The following PLCH1 variants were observed in gnomAD, a reference collection of about 807,000 sequenced individuals.
PLCH1 encodes the protein phospholipase C eta 1.
In PLCH1, 60 loss-of-function variants were observed where a neutral mutation model predicts 126.7. The ratio of observed to expected loss-of-function variants is 0.47; its 90% confidence interval spans 0.38 to 0.59. The LOEUF is 0.59. Among genes scored for constraint, PLCH1 ranks in the 20% least tolerant of loss-of-function variants. The probability of loss-of-function intolerance (pLI) is 0.00; values close to 1 mark genes in which losing one functional copy is unlikely to be tolerated. For missense variants in PLCH1, 1,723 were observed against 2,040.0 expected (o/e 0.84, Z 2.99); for synonymous variants, 719 against 734.9 (o/e 0.98, Z 0.35).
chr3:155,481,692 TTTGCA>T lies in PLCH1; in HGVS notation c.4329_4333del (p.Asp1443GlufsTer12). ...CTGGGGCACACAGGTCTGGAACATT[TTTGCA>T]TCTGAATCTGAGAAATGATTATGCA... is the stretch of plus-strand genomic sequence containing the variant. On this transcript the variant is annotated frameshift_variant, in exon 23 of 23. Coordinates refer to ENST00000460012, the MANE Select transcript of PLCH1 (RefSeq NM_014996.4). LOFTEE classifies it low-confidence loss of function (END_TRUNC). This position sits in a 1 kb window ranked among gnomAD's most constrained non-coding sequence, Gnocchi z 4.2. 6.2e-7 allele frequency: 1 copy of T among 1,614,176 alleles called. No individual in the cohort carries two copies. The highest frequency in any genetic ancestry group is 8.5e-7 in the Non-Finnish European group (1 of 1,180,038).
intron 12 of PLCH1, among the ~76,000 whole-genome samples, chr3:155,512,017 A>G (rs995030447): frequency 6.6e-6 from 1 of 151,254 alleles, no homozygotes; most frequent in African/African-American, 2.4e-5. Flanking sequence ...CCGTGGGCGT[A>G]GGACCCTCTG....
At chr3:155,585,302 T>G (rs777014166) in intron 5 of PLCH1, among the ~76,000 whole-genome samples, 1 of 152,162 alleles carries the variant, frequency 6.6e-6, no homozygotes, top group Non-Finnish European at 1.5e-5. Context: ...TGCCCTCCTA[T>G]GCTTATTTTT....
chr3:155,633,881 T>C (rs993116584), intron 2 of PLCH1, among the ~76,000 whole-genome samples: 1 of 151,734 alleles, frequency 6.6e-6, no homozygotes, highest in Non-Finnish European at 1.5e-5. Context: ...ACCACTGCAC[T>C]CCTCCCTCAG....
intron 8 of PLCH1, among the ~76,000 whole-genome samples, chr3:155,555,845 T>C (rs1036346767): frequency 5.3e-5 from 8 of 152,040 alleles, no homozygotes; most frequent in Non-Finnish European, 1.0e-4. Flanking sequence ...TGGCAAGAGG[T>C]CATCATCTCA....
Position 155,461,410 on chromosome 3 carries a change from C to T in PLCH1, c.2938+23946G>A, listed in dbSNP as rs374800208. 4.6e-5 allele frequency among the ~76,000 whole-genome samples: 7 copies of T among 152,184 alleles called. No homozygotes were observed. The East Asian group carries it at 1.2e-3, about 25-fold the overall frequency. On this transcript the variant is annotated intron_variant, in intron 21 of 21. Transcript: ENST00000494598. ...TGTAACTGCAGTTGGAGCTACCCATCATGAGCATGGTCTTAATAGAAACGC... is the reference window on the plus strand; with the variant it reads ...TGTAACTGCAGTTGGAGCTACCCATTATGAGCATGGTCTTAATAGAAACGC...
chr3:155,502,248 T>C (rs1302947598), intron 13 of PLCH1, among the ~76,000 whole-genome samples: 16 of 152,104 alleles, frequency 1.1e-4, no homozygotes, highest in Admixed American at 4.6e-4. Flanking sequence ...TTAGAAAGAG[T>C]GTGGCAAGAA....
intron 1 of PLCH1, among the ~76,000 whole-genome samples, chr3:155,733,928 GGTATACAT>G: frequency 1.1e-5 from 1 of 88,356 alleles, no homozygotes; most frequent in African/African-American, 4.1e-5. Flanking sequence ...ATGGCCAACA[GGTATACAT>G]ATATATATAT....
chr3:155,489,691 A>T (rs970142930), intron 19 of PLCH1, among the ~76,000 whole-genome samples: 6 of 152,224 alleles, frequency 3.9e-5, no homozygotes, highest in Non-Finnish European at 7.3e-5. Flanking sequence ...ACTAAAATGC[A>T]AAAATACATT....
chr3:155,555,810 G>A (rs1417078925), intron 8 of PLCH1, among the ~76,000 whole-genome samples: 2 of 152,112 alleles, frequency 1.3e-5, no homozygotes, highest in Non-Finnish European at 2.9e-5. Flanking sequence ...AACCTCGCTA[G>A]CCCACAGGAT....
In PLCH1 at chr3:155,740,672, G is replaced by A. The variant is rs1473751325; in HGVS notation, c.-41+4168C>T. ...TCAAAACTACCCTGAGCAACATAGT[G>A]AGACCTCATGTCTAAAATTAAAAAT... On this transcript the variant is annotated intron_variant, in intron 1 of 22. Coordinates refer to ENST00000460012, the MANE Select transcript of PLCH1 (RefSeq NM_014996.4). Among the ~76,000 whole-genome samples, 7 of 152,250 alleles carry A rather than the reference G, an allele frequency of 4.6e-5. No individual in the cohort carries two copies. The East Asian group carries it at 1.2e-3, about 25-fold the overall frequency.
chr3:155,575,975 T>A (rs1729892849), intron 6 of PLCH1, among the ~76,000 whole-genome samples: 1 of 152,126 alleles, frequency 6.6e-6, no homozygotes, highest in African/African-American at 2.4e-5. Context: ...ATAAAGGCGC[T>A]TCAATGTTCC....
intron 4 of PLCH1, among the ~76,000 whole-genome samples, chr3:155,590,935 T>A (rs359564): frequency 6.6e-6 from 1 of 151,890 alleles, no homozygotes. Context: ...GCTTCTATAT[T>A]TCTTATAAAA....
At chr3:155,514,590 G>A in intron 12 of PLCH1, 133 bp downstream of exon 12, 2 of 569,004 alleles carry the variant, frequency 3.5e-6, no homozygotes, top group Non-Finnish European at 5.7e-6. Flanking sequence ...TGCAATAAGA[G>A]ATTTTCATTT....
chr3:155,712,378 C>G (rs1747185749), intron 1 of PLCH1, among the ~76,000 whole-genome samples: 1 of 152,182 alleles, frequency 6.6e-6, no homozygotes, highest in South Asian at 2.1e-4. Context: ...AACACAAAAC[C>G]TTTTCTTCAG....
intron 9 of PLCH1, among the ~76,000 whole-genome samples, chr3:155,553,789 T>C (rs779339392): frequency 3.3e-5 from 5 of 152,192 alleles, no homozygotes; most frequent in Non-Finnish European, 5.9e-5. Flanking sequence ...TTATGGACAC[T>C]CTACACCCTG....
At chr3:155,711,116 GACTCT>G (rs1288209229) in intron 1 of PLCH1, among the ~76,000 whole-genome samples, 1 of 151,518 alleles carries the variant, frequency 6.6e-6, no homozygotes, top group Non-Finnish European at 1.5e-5. Context: ...AATTTTAATG[GACTCT>G]ACTCAAAGAC....
At chr3:155,611,723 T>G (rs2108734162) in intron 2 of PLCH1, among the ~76,000 whole-genome samples, 1 of 152,290 alleles carries the variant, frequency 6.6e-6, no homozygotes, top group South Asian at 2.1e-4. Flanking sequence ...CATTTTTTTC[T>G]TCAGCACATG....
At chr3:155,543,917 C>A (rs1191598018) in intron 10 of PLCH1, among the ~76,000 whole-genome samples, 1 of 152,068 alleles carries the variant, frequency 6.6e-6, no homozygotes, top group Non-Finnish European at 1.5e-5. Context: ...ACAACCAGTA[C>A]CAGCCACTGC....
intron 1 of PLCH1, among the ~76,000 whole-genome samples, chr3:155,735,191 G>C (rs1480505061): frequency 6.6e-6 from 1 of 152,196 alleles, no homozygotes; most frequent in African/African-American, 2.4e-5. Flanking sequence ...TAGAATGGTA[G>C]TTACCAGGGA....
Sources: allele counts gnomAD v4.1 joint callset (sites outside exome capture counted in the v4.1 genomes callset), GRCh38; gene constraint gnomAD v4.1.1; non-coding constraint Gnocchi (gnomAD v3.1); transcripts MANE v1.5; gene names NCBI Gene and HGNC (gene_info 2026-07-23, HGNC 2026-07-21).